The following RBFOX1 variants were observed in gnomAD, a reference collection of about 807,000 sequenced individuals.
RBFOX1 encodes the protein RNA binding fox-1 homolog 1.
In RBFOX1, 8 loss-of-function variants were observed where a neutral mutation model predicts 57.7. The ratio of observed to expected loss-of-function variants is 0.14; its 90% CI spans 0.08 to 0.25. The LOEUF is 0.25. Among genes scored for constraint, RBFOX1 ranks in the 10% least tolerant of loss-of-function variants. RBFOX1 has a pLI of 1.00. For synonymous variants in RBFOX1, 326 were observed against 222.4 expected, an observed-to-expected ratio of 1.47 and a Z score of -4.15; for missense variants, 611 against 548.5, an observed-to-expected ratio of 1.11 and a Z score of -1.14.
At chr16:6,116,432 A>G (rs2096496473) in intron 1 of RBFOX1, among the ~76,000 whole-genome samples, 1 of 152,230 alleles carries the variant, frequency 6.6e-6, no homozygotes, top group African/African-American at 2.4e-5. Context: ...ATTTTTAAAA[A>G]GCTGTTAATC....
intron 2 of RBFOX1, among the ~76,000 whole-genome samples, chr16:5,575,148 T>C (rs2151141802): frequency 6.6e-6 from 1 of 152,332 alleles, no homozygotes; most frequent in East Asian, 1.9e-4. Flanking sequence ...TGGATTTCAT[T>C]ACAACTATGA....
At chr16:6,767,941 T>TAAGAAGAAGAAGAAG (rs1306795041) in intron 3 of RBFOX1, among the ~76,000 whole-genome samples, 96 of 85,104 alleles carry the variant, frequency 1.1e-3, no homozygotes, top group East Asian at 3.9e-3. Context: ...ATAATAATAA[T>TAAGAAGAAGAAGAAG]AATAATAAGA....
intron 4 of RBFOX1, among the ~76,000 whole-genome samples, chr16:7,485,864 C>A (rs1053826183): frequency 3.9e-5 from 6 of 152,152 alleles, no homozygotes; most frequent in African/African-American, 7.2e-5. Context: ...TCTGCAGGCC[C>A]ATCACCTATT....
At position 7,360,876 on chromosome 16, in the gene RBFOX1, G is replaced by A. The variant is rs546539170; in HGVS notation, c.28-157271G>A. Among the ~76,000 whole-genome samples, 20 of 152,240 alleles carry A rather than the reference G, an allele frequency of 1.3e-4. No individual in the cohort carries two copies. In the South Asian group the frequency reaches 3.7e-3, roughly 28 times the overall value. ...TTTCCCAGGTCACCTTGACATCTTC[G>A]AGTATCTATTTAGAGTCCCTGAATG... On this transcript the variant is annotated intron_variant, in intron 4 of 15. Transcript: ENST00000550418.
intron 2 of RBFOX1, among the ~76,000 whole-genome samples, chr16:6,346,047 A>G (rs1041499407): frequency 6.6e-6 from 1 of 152,170 alleles, no homozygotes; most frequent in African/African-American, 2.4e-5. Context: ...AAAGGAGGCA[A>G]TCAGGTATGC....
chr16:6,836,725 A>T (rs116972011), intron 3 of RBFOX1, among the ~76,000 whole-genome samples: 5,693 of 152,276 alleles, frequency 0.037, 141 homozygotes, highest in Middle Eastern at 0.058. Flanking sequence ...ACAATAACAT[A>T]GTTCTTTGCA....
chr16:6,773,367 T>G (rs1231333809), intron 3 of RBFOX1, among the ~76,000 whole-genome samples: 1 of 147,956 alleles, frequency 6.8e-6, no homozygotes, highest in East Asian at 2.0e-4. Flanking sequence ...GGTGCATTTG[T>G]GTGTGTGTGT....
At position 7,596,582 on chromosome 16, in the gene RBFOX1, A is replaced by C. The variant is rs532898382; in HGVS notation, c.562-789A>C. 6.4e-4 allele frequency among the ~76,000 whole-genome samples: 97 copies of C among 152,080 alleles called. 1 individual carries two copies. Among genetic ancestry groups the C allele is most frequent in the South Asian group, 1.0e-3 (5 of 4,810 alleles). ...ACGTATTTAGTGCTGATATATCTAT[A>C]TACATATATATATATACCACGTGAA... On this transcript the variant is annotated intron_variant, in intron 8 of 15. Coordinates refer to ENST00000550418, the MANE Select transcript of RBFOX1 (RefSeq NM_018723.4).
chr16:6,008,128 C>G (rs1240142613), intron 4 of RBFOX1, among the ~76,000 whole-genome samples: 1 of 152,094 alleles, frequency 6.6e-6, no homozygotes, highest in East Asian at 1.9e-4. Context: ...TCACTTGAAC[C>G]TGGCAGGCAG....
chr16:5,584,739 C>A (rs376510974), intron 2 of RBFOX1, among the ~76,000 whole-genome samples: 1 of 152,050 alleles, frequency 6.6e-6, no homozygotes, highest in African/African-American at 2.4e-5. Flanking sequence ...TCTCATTGCA[C>A]CGGGGACTGT....
At chr16:7,061,737 G>A (rs2346251) in intron 4 of RBFOX1, among the ~76,000 whole-genome samples, 104,996 of 152,018 alleles carry the variant, frequency 0.69, 37,399 homozygotes, top group East Asian at 0.91. Flanking sequence ...CAAGCAAATC[G>A]CTAATAATGC....
chr16:7,337,514 A>T (rs1468625618), intron 4 of RBFOX1, among the ~76,000 whole-genome samples: 2 of 152,128 alleles, frequency 1.3e-5, no homozygotes, highest in African/African-American at 4.8e-5. Context: ...GGATGTGACG[A>T]TGTTTAAACA....
chr16:5,770,185 G>A (rs1210723097), intron 3 of RBFOX1, among the ~76,000 whole-genome samples: 3 of 151,910 alleles, frequency 2.0e-5, no homozygotes, highest in East Asian at 3.9e-4. Context: ...TGGACCTGAG[G>A]TAGGACATCA....
chr16:5,768,322 A>C (rs1364339270), intron 3 of RBFOX1, among the ~76,000 whole-genome samples: 2 of 152,162 alleles, frequency 1.3e-5, no homozygotes, highest in Non-Finnish European at 2.9e-5. Flanking sequence ...AAGATAACTG[A>C]GCTTCTGAGG....
At chr16:6,722,205 A>G (rs1291228986) in intron 3 of RBFOX1, among the ~76,000 whole-genome samples, 1 of 152,142 alleles carries the variant, frequency 6.6e-6, no homozygotes. Flanking sequence ...TCTAGTTTTA[A>G]GTTTTGAAGG....
In RBFOX1 at chr16:6,993,211, C is replaced by T. The variant is rs72776232; in HGVS notation, c.-15-58846C>T. Among the ~76,000 whole-genome samples the T allele has an allele frequency of 1.2e-3, 185 of 151,104 alleles. 2 individuals carry two copies. Among genetic ancestry groups the T allele is most frequent in the Non-Finnish European group, 1.6e-3 (111 of 67,730 alleles). On this transcript the variant is annotated intron_variant, in intron 3 of 15. Transcript: ENST00000550418. ...ATTTGAGGCTGAATGGTATTGATAG[C>T]TGTGCAATGACTTGTTGCTACTGTA... is the stretch of plus-strand genomic sequence containing the variant.
intron 4 of RBFOX1, among the ~76,000 whole-genome samples, chr16:7,415,349 G>A (rs974899051): frequency 6.6e-6 from 1 of 152,172 alleles, no homozygotes; most frequent in East Asian, 1.9e-4. Context: ...ATGGAGTTCT[G>A]GTATCAAAAT....
chr16:7,215,279 A>G (rs574188284), intron 4 of RBFOX1, among the ~76,000 whole-genome samples: 1 of 152,330 alleles, frequency 6.6e-6, no homozygotes, highest in African/African-American at 2.4e-5. Flanking sequence ...AAGGATCTAG[A>G]ACCAGAAATA....
At chr16:5,654,110 A>G (rs1370551470) in intron 3 of RBFOX1, among the ~76,000 whole-genome samples, 1 of 152,206 alleles carries the variant, frequency 6.6e-6, no homozygotes, top group Non-Finnish European at 1.5e-5. Context: ...CGTCTGGGTC[A>G]AATACTAGCT....
Sources: allele counts gnomAD v4.1 joint callset (sites outside exome capture counted in the v4.1 genomes callset), GRCh38; gene constraint gnomAD v4.1.1; transcripts MANE v1.5; gene names NCBI Gene and HGNC (gene_info 2026-07-23, HGNC 2026-07-21).